The following OSMR variants were observed in gnomAD, a reference collection of about 807,000 sequenced individuals.
The protein encoded by OSMR is oncostatin-M-specific receptor subunit beta.
Under a neutral mutation model 99.9 loss-of-function variants are expected in OSMR, and 81 were observed. That is an observed-to-expected ratio of 0.81 (90% CI 0.68 to 0.97). The LOEUF (loss-of-function observed/expected upper bound fraction) is 0.97. OSMR is among the 50% of genes least tolerant of loss of function. The probability of loss-of-function intolerance (pLI) is 0.00; values close to 1 mark genes in which losing one functional copy is unlikely to be tolerated. For missense variants in OSMR, 1,099 were observed against 1,153.4 expected, an observed-to-expected ratio of 0.95 and a Z score of 0.68; for synonymous variants, 406 against 410.4, an observed-to-expected ratio of 0.99 and a Z score of 0.13.
chr5:38,888,219 GAA>G (rs1743921286), intron 7 of OSMR, among the ~76,000 whole-genome samples: 1 of 152,120 alleles, frequency 6.6e-6, no homozygotes. Context: ...ATAGCACAGG[GAA>G]AAACTGGCCC....
chr5:38,865,147 G>C (rs1011371541), intron 1 of OSMR, among the ~76,000 whole-genome samples: 16 of 152,070 alleles, frequency 1.1e-4, no homozygotes, highest in Non-Finnish European at 2.1e-4. Flanking sequence ...GAATTGTCCT[G>C]ATTTCTTTGA....
chr5:38,889,237 T>G (rs1743996186), intron 7 of OSMR, among the ~76,000 whole-genome samples: 1 of 152,130 alleles, frequency 6.6e-6, no homozygotes, highest in African/African-American at 2.4e-5. Context: ...GAATTATAGT[T>G]TTTGGTATTT....
At chr5:38,895,726 T>C (rs1204073163) in intron 7 of OSMR, among the ~76,000 whole-genome samples, 1 of 151,928 alleles carries the variant, frequency 6.6e-6, no homozygotes, top group Middle Eastern at 3.2e-3. Flanking sequence ...TTGCATAAAT[T>C]ATTCCAATGT....
At position 38,942,226 on chromosome 5, in the gene OSMR, C is replaced by T. The variant is rs751632869; in HGVS notation, c.75-1975C>T. 230 of 822,340 alleles carry T rather than the reference C, an allele frequency of 2.8e-4. 1 individual carries two copies. The highest frequency in any genetic ancestry group is 4.0e-4 in the Non-Finnish European group (203 of 504,994). The allele number at this position is 822,340 out of a possible 1,614,324, so 50.9% of individuals were successfully genotyped here. A position where few individuals can be genotyped will look rare whatever the true frequency, so the allele number is the denominator to read the frequency against. On this transcript the variant is annotated intron_variant and NMD_transcript_variant, in intron 1 of 2. Coordinates refer to the OSMR transcript ENST00000508882. ...CTCCTGTCTTTGCTGCCTAGTCAGT[C>T]GTATTTTCTGAGGCTTTTAGGAAAT...
At chr5:38,925,908 G>T (rs1182631373) in intron 15 of OSMR, among the ~76,000 whole-genome samples, 1 of 152,186 alleles carries the variant, frequency 6.6e-6, no homozygotes, top group Non-Finnish European at 1.5e-5. Context: ...TGGAATACTT[G>T]CTCACAAACT....
chr5:38,934,621 C>T lies in OSMR; in HGVS notation c.*1177C>T, dbSNP rs1308156891. On this transcript the variant is annotated 3_prime_UTR_variant, in exon 18 of 18. Coordinates refer to ENST00000274276, the MANE Select transcript of OSMR (RefSeq NM_003999.3). Reference sequence around the variant, plus strand: ...ATTCAAACAAACAGTTCTCCTGCCCCAGCCTCCAGAGCACCTAGGACTCCA... The same window carrying T: ...ATTCAAACAAACAGTTCTCCTGCCCTAGCCTCCAGAGCACCTAGGACTCCA... The T allele has an allele frequency of 1.3e-5, 2 of 152,048 alleles. No homozygotes were observed. Among genetic ancestry groups the T allele is most frequent in the African/African-American group, 4.8e-5 (2 of 41,356 alleles). 9.4% of individuals were successfully genotyped at this position (152,048 alleles called of 1,614,324 possible).
intron 7 of OSMR, among the ~76,000 whole-genome samples, chr5:38,901,212 C>G (rs1002061697): frequency 1.3e-5 from 2 of 152,214 alleles, no homozygotes; most frequent in African/African-American, 4.8e-5. Context: ...GCCCAATGGA[C>G]CCCATCTGCT....
chr5:38,918,884 T>A lies in OSMR; in HGVS notation c.1407T>A (p.Asn469Lys), dbSNP rs1346175126. The A allele has an allele frequency of 1.9e-6, 3 of 1,613,912 alleles. No homozygotes were observed. Among genetic ancestry groups the A allele is most frequent in the Non-Finnish European group, 2.5e-6 (3 of 1,179,760 alleles). Residue 469 changes from asparagine (N) to lysine (K), a missense_variant, in exon 11 of 18, where the codon AAT (asparagine) becomes AAA (lysine). Transcript: ENST00000274276. ...CCAATGGAAAGATCCTGTTCTATAA[T>A]GTAGTTGTAGAAAACCTAGACAAAC... ...LHANGKILFY[N>K]VVVENLDKPS...
intron 2 of OSMR, among the ~76,000 whole-genome samples, chr5:38,873,376 T>G (rs952968925): frequency 1.3e-5 from 2 of 152,240 alleles, no homozygotes; most frequent in African/African-American, 2.4e-5. Context: ...TTGGCTATTG[T>G]GAATAACGCT....
downstream of OSMR, among the ~76,000 whole-genome samples, chr5:38,937,193 C>T (rs1218104634): frequency 1.3e-5 from 2 of 152,170 alleles, no homozygotes; most frequent in Admixed American, 6.5e-5. This position sits in a 1 kb window ranked among gnomAD's most constrained non-coding sequence, Gnocchi z 4.0. Flanking sequence ...CCACCACGCC[C>T]GGCTGATTTT....
downstream of OSMR, chr5:38,940,244 G>C (rs147795288): frequency 4.4e-6 from 1 of 225,028 alleles, no homozygotes; most frequent in Non-Finnish European, 8.8e-6. Flanking sequence ...TGGGGGAGGG[G>C]GTGTGTGTGT....
chr5:38,892,214 A>G (rs1463365483), intron 7 of OSMR, among the ~76,000 whole-genome samples: 1 of 152,134 alleles, frequency 6.6e-6, no homozygotes, highest in African/African-American at 2.4e-5. Flanking sequence ...TGAAGGGCCC[A>G]TAGCCTAACC....
intron 15 of OSMR, 148 bp downstream of exon 15, chr5:38,925,519 C>T (rs959721338): frequency 2.7e-6 from 2 of 734,674 alleles, no homozygotes; most frequent in African/African-American, 1.7e-5. Context: ...TGATGAAACC[C>T]TTTTTGTCAC....
At position 38,883,996 on chromosome 5, in the gene OSMR, T is replaced by C; in HGVS notation, c.588T>C (p.Thr196=). The change falls in exon 5 of 18, where the codon ACT becomes ACC. Residue 196 remains threonine (T), a synonymous_variant. Coordinates refer to ENST00000274276, the MANE Select transcript of OSMR (RefSeq NM_003999.3). Reference sequence around the variant, plus strand: ...GAGAACAACTTGATCCACATGTAACTGCATTCAACTTGAATAGTGTGCCTT... The same window carrying C: ...GAGAACAACTTGATCCACATGTAACCGCATTCAACTTGAATAGTGTGCCTT... ...IHGEQLDPHV[T]AFNLNSVPFI... 6.2e-7 allele frequency: 1 copy of C among 1,613,078 alleles called. No homozygotes were observed. Among genetic ancestry groups the C allele is most frequent in the Non-Finnish European group, 8.5e-7 (1 of 1,179,026 alleles).
At position 38,901,515 on chromosome 5, in the gene OSMR, T is replaced by G. The variant is rs574957870; in HGVS notation, c.992-2367T>G. Among the ~76,000 whole-genome samples, 6 of 152,284 alleles carry G rather than the reference T, an allele frequency of 3.9e-5. No individual in the cohort carries two copies. In the East Asian group the frequency reaches 1.2e-3, roughly 29 times the overall value. On this transcript the variant is annotated intron_variant, in intron 7 of 17. Transcript: ENST00000274276. ...ATGGGCATTTCATGTTGTAGTGTCA[T>G]GTATGGTGCTCTGGCCATAAGATGC...
intron 9 of OSMR, among the ~76,000 whole-genome samples, chr5:38,914,330 A>G (rs184759390): frequency 6.6e-6 from 1 of 152,300 alleles, no homozygotes; most frequent in East Asian, 1.9e-4. Flanking sequence ...TAATGAGGAC[A>G]CAAGTCAAAA....
intron 1 of OSMR, among the ~76,000 whole-genome samples, chr5:38,855,960 G>A (rs538666392): frequency 1.3e-5 from 2 of 152,104 alleles, no homozygotes; most frequent in Admixed American, 6.5e-5. Context: ...CAGCTTGCTT[G>A]TTCACTCCTC....
chr5:38,868,914 A>T, intron 1 of OSMR, 118 bp from the exon 2 acceptor site: 1 of 1,175,264 alleles, frequency 8.5e-7, no homozygotes, highest in Non-Finnish European at 1.2e-6. Context: ...AGGCATGGAT[A>T]CAGGGAAGGG....
At chr5:38,883,623 T>G in intron 4 of OSMR, 1 of 776,530 alleles carries the variant, frequency 1.3e-6, no homozygotes, top group Non-Finnish European at 1.6e-6. Flanking sequence ...ACAGCAGTGG[T>G]ATCAGTGTAA....
Sources: allele counts gnomAD v4.1 joint callset (sites outside exome capture counted in the v4.1 genomes callset), GRCh38; gene constraint gnomAD v4.1.1; non-coding constraint Gnocchi (gnomAD v3.1); transcripts MANE v1.5; gene names NCBI Gene and HGNC (gene_info 2026-07-23, HGNC 2026-07-21).